The following CDH19 variants were observed in gnomAD, a reference collection of about 807,000 sequenced individuals.
The protein encoded by CDH19 is cadherin-19.
In CDH19, 67 loss-of-function variants were observed where a neutral mutation model predicts 64.2. That is an observed-to-expected ratio of 1.04 (90% CI 0.86 to 1.28). The LOEUF (loss-of-function observed/expected upper bound fraction) is 1.28. Ranked by LOEUF, CDH19 falls within the 50% of genes most tolerant of loss-of-function variation. CDH19 has a pLI of 0.00. For missense variants in CDH19, 1,030 were observed against 929.0 expected (o/e 1.11, Z -1.41); for synonymous variants, 346 against 319.3 (o/e 1.08, Z -0.89).
At chr18:66,575,238 G>A (rs1988232417) in intron 1 of CDH19, among the ~76,000 whole-genome samples, 1 of 151,760 alleles carries the variant, frequency 6.6e-6, no homozygotes, top group Non-Finnish European at 1.5e-5. Context: ...GGGAGTGCAA[G>A]GGGAGTGTTA....
intron 1 of CDH19, among the ~76,000 whole-genome samples, chr18:66,588,635 T>G (rs7237032): frequency 0.019 from 2,653 of 143,340 alleles, 199 homozygotes; most frequent in African/African-American, 0.06. Flanking sequence ...TCTATATATA[T>G]ATAGATACAG....
chr18:66,523,564 C>T (rs2144392240), intron 9 of CDH19, among the ~76,000 whole-genome samples: 1 of 151,216 alleles, frequency 6.6e-6, no homozygotes, highest in South Asian at 2.1e-4. Flanking sequence ...GGACTTGGCG[C>T]TCACCTCACT....
intron 1 of CDH19, among the ~76,000 whole-genome samples, chr18:66,582,975 T>A (rs1988468268): frequency 6.6e-6 from 1 of 152,128 alleles, no homozygotes; most frequent in African/African-American, 2.4e-5. Context: ...AAATTTCATA[T>A]TCTTAGATAC....
Position 66,544,857 on chromosome 18 carries a change from A to G in CDH19, c.822T>C (p.Ser274=), listed in dbSNP as rs758108259. 14 of 1,612,626 alleles carry G rather than the reference A, an allele frequency of 8.7e-6. No individual in the cohort carries two copies. Among genetic ancestry groups the G allele is most frequent in the South Asian group, 1.1e-5 (1 of 90,744 alleles). The change falls in exon 6 of 12, where the codon TCT becomes TCC. Residue 274 remains serine (S), a synonymous_variant. Transcript: ENST00000262150. Reference sequence around the variant, plus strand: ...TATCATATGCCATGATTGTTCCTATAGAAGTCCCAGTGGGTGCAGATTCAG... The same window carrying G: ...TATCATATGCCATGATTGTTCCTATGGAAGTCCCAGTGGGTGCAGATTCAG... The part of the protein sequence containing the change: ...TVSESAPTGT[S]IGTIMAYDND...
rs142233132 is a variant in CDH19, at chr18:66,505,137, A to T, written c.1994T>A (p.Met665Lys). The change falls in exon 12 of 12, where the codon ATG becomes AAG. Residue 665 changes from methionine to lysine, a missense_variant. Transcript: ENST00000262150. ...GGTTTTCCGAGTCTTGCGTTCCCGCATTATGGTACTACTCCTCAGCTCTGC... is the reference window on the plus strand; with the variant it reads ...GGTTTTCCGAGTCTTGCGTTCCCGCTTTATGGTACTACTCCTCAGCTCTGC... Reference protein sequence around the residue: ...DIAELRSSTIMRERKTRKTTS... With the variant: ...DIAELRSSTIKRERKTRKTTS... 5.3e-5 allele frequency: 85 copies of T among 1,613,450 alleles called. No individual in the cohort carries two copies. Among genetic ancestry groups the T allele is most frequent in the Admixed American group, 1.8e-4 (11 of 59,924 alleles).
At chr18:66,598,904 G>T (rs1048277485) in intron 1 of CDH19, among the ~76,000 whole-genome samples, 1 of 151,922 alleles carries the variant, frequency 6.6e-6, no homozygotes. Flanking sequence ...ACACTTCAAA[G>T]ACATGCTATA....
At chr18:66,520,727 G>A (rs1427248459) in intron 9 of CDH19, among the ~76,000 whole-genome samples, 2 of 151,846 alleles carry the variant, frequency 1.3e-5, no homozygotes, top group Non-Finnish European at 2.9e-5. Context: ...TAAAAAACAA[G>A]TTTTACAATT....
chr18:66,562,132 G>A (rs1987745636), intron 3 of CDH19, among the ~76,000 whole-genome samples: 1 of 151,876 alleles, frequency 6.6e-6, no homozygotes, highest in Admixed American at 6.6e-5. Flanking sequence ...GTCAGGGTGG[G>A]GAGTGGGCAT....
chr18:66,584,829 C>T (rs567082157), intron 1 of CDH19, among the ~76,000 whole-genome samples: 1 of 152,142 alleles, frequency 6.6e-6, no homozygotes, highest in Non-Finnish European at 1.5e-5. Flanking sequence ...TGTTTTTTCT[C>T]TTAATGTTCT....
chr18:66,587,577 G>C (rs958735860), intron 1 of CDH19, among the ~76,000 whole-genome samples: 3 of 152,094 alleles, frequency 2.0e-5, no homozygotes, highest in African/African-American at 7.2e-5. Context: ...AAGGTTACAT[G>C]ACTGGTTTTA....
intron 4 of CDH19, among the ~76,000 whole-genome samples, chr18:66,552,598 C>T (rs1343827976): frequency 7.4e-6 from 1 of 134,256 alleles, no homozygotes; most frequent in Non-Finnish European, 1.5e-5. Context: ...ATTAACTGTG[C>T]CTACTTTGCT....
At chr18:66,529,384 A>T (rs2144412837) in intron 9 of CDH19, among the ~76,000 whole-genome samples, 1 of 151,458 alleles carries the variant, frequency 6.6e-6, no homozygotes, top group Non-Finnish European at 1.5e-5. Context: ...TTTTAATTGT[A>T]TTGGCAAAGT....
intron 1 of CDH19, chr18:66,596,238 T>C (rs1988884614): frequency 6.6e-6 from 1 of 152,130 alleles, no homozygotes; most frequent in Non-Finnish European, 1.5e-5. Flanking sequence ...AACATTTCCC[T>C]TGAGAACTGG....
At chr18:66,576,692 T>C (rs1988276990) in intron 1 of CDH19, among the ~76,000 whole-genome samples, 1 of 151,680 alleles carries the variant, frequency 6.6e-6, no homozygotes, top group East Asian at 1.9e-4. Flanking sequence ...TAATTCAAAT[T>C]GATTCATTTC....
chr18:66,598,774 C>T lies in CDH19; in HGVS notation c.-113+5180G>A, dbSNP rs137953522. 3.5e-3 allele frequency among the ~76,000 whole-genome samples: 527 copies of T among 151,982 alleles called. 2 individuals are homozygous for T. Among genetic ancestry groups the T allele is most frequent in the Non-Finnish European group, 5.5e-3 (374 of 67,976 alleles). ...TGATGATATAATTTGTACACTAAAC[C>T]GCAGCAACATGCAATTTACACATGT... On this transcript the variant is annotated intron_variant, in intron 1 of 11. Coordinates refer to ENST00000262150, the MANE Select transcript of CDH19 (RefSeq NM_021153.4).
At position 66,544,890 on chromosome 18, in the gene CDH19, C is replaced by G. The variant is rs1277438071; in HGVS notation, c.789G>C (p.Leu263Phe). 1.2e-6 allele frequency: 2 copies of G among 1,606,970 alleles called. No homozygotes were observed. The highest frequency in any genetic ancestry group is 1.7e-6 in the Non-Finnish European group (2 of 1,177,402). The change falls in exon 6 of 12, where the codon TTG becomes TTC. Residue 263 changes from leucine (L) to phenylalanine (F), a missense_variant. Physicochemically the swap from Leu to Phe is conservative, Grantham distance 22. Coordinates refer to ENST00000262150, the MANE Select transcript of CDH19 (RefSeq NM_021153.4). The part of the protein sequence containing the change: ...KPIFKESLYR[L>F]TVSESAPTGT... ...CAGTGGGTGCAGATTCAGAGACAGTCAAGCGGTATAAACCTTTAAAAACAA... is the reference window on the plus strand; with the variant it reads ...CAGTGGGTGCAGATTCAGAGACAGTGAAGCGGTATAAACCTTTAAAAACAA...
rs1163304219 is a variant in CDH19, at chr18:66,525,542, TCAACC to T, written c.1458+4298_1458+4302del. On this transcript the variant is annotated intron_variant, in intron 9 of 11. Transcript: ENST00000262150. ...CCCAGTGAATTTCAAATCAGAAATC[TCAACC>T]CAAGTCAGTCTGACTCTATGATCAA... Among the ~76,000 whole-genome samples, 4 of 152,232 alleles carry T rather than the reference TCAACC, an allele frequency of 2.6e-5. No homozygotes were observed. In the South Asian group the frequency reaches 8.3e-4, roughly 32 times the overall value.
At chr18:66,540,578 G>A (rs1310454117) in intron 7 of CDH19, among the ~76,000 whole-genome samples, 1 of 152,160 alleles carries the variant, frequency 6.6e-6, no homozygotes, top group Non-Finnish European at 1.5e-5. Flanking sequence ...CACTCTTTCA[G>A]TTGCAGACTG....
At chr18:66,588,542 T>C (rs1268873352) in intron 1 of CDH19, among the ~76,000 whole-genome samples, 2 of 149,960 alleles carry the variant, frequency 1.3e-5, no homozygotes, top group Non-Finnish European at 3.0e-5. Context: ...TCACCACAAC[T>C]GCCAGTCACT....
Sources: allele counts gnomAD v4.1 joint callset (sites outside exome capture counted in the v4.1 genomes callset), GRCh38; gene constraint gnomAD v4.1.1; transcripts MANE v1.5; gene names NCBI Gene and HGNC (gene_info 2026-07-23, HGNC 2026-07-21).